The following ARRDC2 variants were observed in gnomAD, a reference collection of about 807,000 sequenced individuals.
ARRDC2 encodes the protein arrestin domain-containing protein 2.
ARRDC2 carries 39 observed loss-of-function variants against 38.9 expected under a neutral mutation model. That is an observed-to-expected ratio of 1.00 (90% CI 0.78 to 1.31). The LOEUF (loss-of-function observed/expected upper bound fraction) is 1.31, where lower values mean the gene tolerates loss of function less well. Among genes scored for constraint, ARRDC2 ranks in the 50% most tolerant of loss-of-function variants. ARRDC2 has a pLI of 0.00. For synonymous variants in ARRDC2, 300 were observed against 261.9 expected (o/e 1.15, Z -1.41); for missense variants, 553 against 588.4 (o/e 0.94, Z 0.62).
At chr19:18,005,303 G>A (rs555501369), upstream of ARRDC2, among the ~76,000 whole-genome samples, 1 of 152,176 alleles carries the variant, frequency 6.6e-6, no homozygotes, top group African/African-American at 2.4e-5. Context: ...GCACAGGGTT[G>A]GGGGTAGGGT....
At chr19:18,005,790 C>G (rs1185059744), upstream of ARRDC2, among the ~76,000 whole-genome samples, 2 of 151,652 alleles carry the variant, frequency 1.3e-5, no homozygotes, top group Non-Finnish European at 2.9e-5. Flanking sequence ...CCCTCCTGGA[C>G]GGGGTGGCTG....
At position 18,008,502 on chromosome 19, in the gene ARRDC2, C is replaced by T. The variant is rs924058337; in HGVS notation, c.192C>T (p.Ser64=). Residue 64 remains serine (S), a synonymous_variant, in exon 1 of 8, where the codon AGC becomes AGT. Transcript: ENST00000222250. ...ACGTGCACTGGACCGAGTCGCGCAG[C>T]GCGGGCTCGAGCACGGCTTACACGC... ...RAHVHWTESR[S]AGSSTAYTQS... The T allele has an allele frequency of 4.0e-5, 62 of 1,531,076 alleles. 1 individual carries two copies. Among genetic ancestry groups the T allele is most frequent in the African/African-American group, 9.6e-5 (7 of 72,680 alleles). The allele number at this position is 1,531,076 out of a possible 1,614,324, so 94.8% of individuals were successfully genotyped here. A position where few individuals can be genotyped will look rare whatever the true frequency, so the allele number is the denominator to read the frequency against.
chr19:18,004,206 C>G (rs1211407126), upstream of ARRDC2, among the ~76,000 whole-genome samples: 1 of 148,448 alleles, frequency 6.7e-6, no homozygotes, highest in Non-Finnish European at 1.5e-5. Context: ...CATGGTGAAG[C>G]CCTGTCTCTA....
intron 1 of ARRDC2, chr19:18,001,710 G>T: frequency 9.4e-7 from 1 of 1,065,994 alleles, no homozygotes; most frequent in Non-Finnish European, 1.2e-6. Context: ...CCCCTTCCCG[G>T]GGTCCTGACC....
intron 4 of ARRDC2, 31 bp from the exon 5 acceptor site, chr19:18,009,752 G>T (rs759124105): frequency 1.2e-6 from 2 of 1,612,766 alleles, no homozygotes; most frequent in Non-Finnish European, 8.5e-7. Context: ...TGCAGGAGGG[G>T]AAACTGAGGC....
chr19:18,008,134 C>CCCCCTT, upstream of ARRDC2: 2 of 1,301,160 alleles, frequency 1.5e-6, no homozygotes, highest in South Asian at 1.5e-5. Context: ...CCCCCCCGCC[C>CCCCCTT]TGCCGTATAA....
intron 6 of ARRDC2, 38 bp from the exon 7 acceptor site, chr19:18,010,534 C>T (rs1384235048): frequency 1.9e-6 from 3 of 1,608,864 alleles, no homozygotes; most frequent in African/African-American, 2.7e-5. Flanking sequence ...GCAGGGCTCT[C>T]TCCTGCCAAC....
At chr19:18,006,605 C>G (rs578045932), upstream of ARRDC2, among the ~76,000 whole-genome samples, 2 of 151,362 alleles carry the variant, frequency 1.3e-5, no homozygotes, top group Non-Finnish European at 2.9e-5. Context: ...AGAGGGAGAC[C>G]GTGGAAAGAG....
At chr19:18,006,854 A>T (rs1489352115), upstream of ARRDC2, among the ~76,000 whole-genome samples, 1 of 152,014 alleles carries the variant, frequency 6.6e-6, no homozygotes, top group African/African-American at 2.4e-5. Context: ...CTCCTCCCGG[A>T]CTTAACGGCC....
exon 1 of ARRDC2, chr19:18,001,190 C>CG (rs1055816237): frequency 3.9e-5 from 41 of 1,041,092 alleles, no homozygotes; most frequent in Admixed American, 3.5e-4. Context: ...CCAAGTTCGC[C>CG]GGGGGGGCCC....
chr19:18,009,176 G>A (rs2146004133), intron 3 of ARRDC2, 58 bp downstream of exon 3: 3 of 1,578,950 alleles, frequency 1.9e-6, no homozygotes, highest in Non-Finnish European at 2.6e-6. Context: ...GGCCTGCCTG[G>A]CTGCTGGGCG....
At chr19:18,010,908 G>A (rs954598556) in intron 7 of ARRDC2, among the ~76,000 whole-genome samples, 179 bp downstream of exon 7, 3 of 151,662 alleles carry the variant, frequency 2.0e-5, no homozygotes, top group Admixed American at 1.3e-4. Context: ...TCGACCTCCC[G>A]GGCTCAAGCA....
Position 18,009,816 on chromosome 19 carries a change from A to G in ARRDC2, c.626A>G (p.Asn209Ser). ...EVIPVFAEID[N>S]GSTRPVLPRA... ...ATCCCTGTCTTTGCCGAGATCGACAACGGCTCCACACGTCCTGTGCTGCCT... is the reference window on the plus strand; with the variant it reads ...ATCCCTGTCTTTGCCGAGATCGACAGCGGCTCCACACGTCCTGTGCTGCCT... Residue 209 changes from asparagine to serine, a missense_variant, in exon 5 of 8, where the codon AAC becomes AGC. Transcript: ENST00000222250. 6.2e-7 allele frequency: 1 copy of G among 1,612,304 alleles called. No individual in the cohort carries two copies. The highest frequency in any genetic ancestry group is 2.2e-5 in the East Asian group (1 of 44,868).
chr19:18,008,114 T>TGTGGGGG, upstream of ARRDC2: 11 of 1,056,192 alleles, frequency 1.0e-5, no homozygotes, highest in African/African-American at 5.9e-5. Flanking sequence ...GAAGAGACGG[T>TGTGGGGG]GACCCCACCC....
At chr19:18,009,252 C>G in intron 3 of ARRDC2, 134 bp downstream of exon 3, 2 of 1,058,620 alleles carry the variant, frequency 1.9e-6, no homozygotes, top group Admixed American at 4.3e-5. Flanking sequence ...TGTGGGAATG[C>G]GTGTGGAATC....
chr19:18,008,059 C>T (rs933533040), upstream of ARRDC2: 20 of 1,138,188 alleles, frequency 1.8e-5, no homozygotes, highest in African/African-American at 2.5e-4. Context: ...TGGGCAGAGC[C>T]ACGCCCCTTG....
At position 18,008,194 on chromosome 19, in the gene ARRDC2, G is replaced by C; in HGVS notation, c.-117G>C. ...GGATTTTCTGCTCCGGTTGGTGAGC[G>C]CGCCTGCGCGTTGACGGCGATTTTG... On this transcript the variant is annotated 5_prime_UTR_variant, in exon 1 of 8. Transcript: ENST00000222250. The C allele has an allele frequency of 1.4e-6, 2 of 1,481,430 alleles. No individual in the cohort carries two copies. Among genetic ancestry groups the C allele is most frequent in the African/African-American group, 3.0e-5 (2 of 66,726 alleles). The allele number at this position is 1,481,430 out of a possible 1,614,324, so 91.8% of individuals were successfully genotyped here.
chr19:18,008,570 C>T lies in ARRDC2; in HGVS notation c.260C>T (p.Thr87Met), dbSNP rs563446203. 8.2e-6 allele frequency: 13 copies of T among 1,582,246 alleles called. No individual in the cohort carries two copies. In the Admixed American group the frequency reaches 1.8e-4, roughly 22 times the overall value. The change falls in exon 1 of 8, where the codon ACG becomes ATG. Residue 87 changes from threonine (T) to methionine (M), a missense_variant. Around this residue, in one of 3 missense-constraint regions of ARRDC2, gnomAD observed 447 missense variants for 456.6 expected, o/e 0.98. Transcript: ENST00000222250. ...GTGGAGGTCGTGAGCCACCGCGCCA[C>T]GCTCCTGGCGCCAGGTACGGATGGA... ...ERVEVVSHRA[T>M]LLAPDTGETT...
upstream of ARRDC2, among the ~76,000 whole-genome samples, chr19:18,004,686 C>A (rs2033237704): frequency 6.7e-6 from 1 of 150,286 alleles, no homozygotes; most frequent in South Asian, 2.1e-4. Context: ...AGAGTGAGAC[C>A]CTGTCTCAAA....
Sources: gnomAD v4.1 joint callset for allele counts (sites outside exome capture counted in the v4.1 genomes callset) on GRCh38, gnomAD v4.1.1 for gene constraint, gnomAD v4.1.1 regional missense constraint, MANE v1.5 for transcripts, NCBI Gene and HGNC (gene_info 2026-07-23, HGNC 2026-07-21) for gene names.